The following PCDHGB5 variants were observed in gnomAD, a reference collection of about 807,000 sequenced individuals.
The protein encoded by PCDHGB5 is protocadherin gamma subfamily B, 5.
In PCDHGB5, 48 loss-of-function variants were observed where a neutral mutation model predicts 62.9. The observed-to-expected ratio is 0.76, with a 90% CI of 0.61 to 0.97. PCDHGB5 has a LOEUF of 0.97. Ranked by LOEUF, PCDHGB5 falls within the 50% of genes least tolerant of loss-of-function variation. PCDHGB5 has a pLI of 0.00. For missense variants in PCDHGB5, 1,118 were observed against 1,198.6 expected (o/e 0.93, Z 0.99); for synonymous variants, 474 against 511.2 (o/e 0.93, Z 0.98).
intron 1 of PCDHGB5, among the ~76,000 whole-genome samples, chr5:141,451,493 T>C (rs1554137340): frequency 2.0e-5 from 3 of 152,230 alleles, no homozygotes; most frequent in Admixed American, 2.0e-4. Context: ...TGGACCTCCA[T>C]AGGGCAACCA....
chr5:141,462,811 T>C (rs893444929), intron 1 of PCDHGB5, among the ~76,000 whole-genome samples: 1 of 152,206 alleles, frequency 6.6e-6, no homozygotes, highest in Non-Finnish European at 1.5e-5. Context: ...ATAATGTTTT[T>C]ATTGGACAGC....
At position 141,418,595 on chromosome 5, in the gene PCDHGB5, G is replaced by A. The variant is rs1331897624; in HGVS notation, c.2397+18071G>A. The A allele has an allele frequency of 2.5e-6, 4 of 1,613,928 alleles. No individual in the cohort carries two copies. Among genetic ancestry groups the A allele is most frequent in the Admixed American group, 3.3e-5 (2 of 60,006 alleles). On this transcript the variant is annotated intron_variant, in intron 1 of 3. Transcript: ENST00000617380. ...CAACCCCCCAGTGTTCAGCCAGGAC[G>A]TGTACAGGGTTAGCCTTCGGGAAGA...
At chr5:141,474,524 C>G (rs1260642402) in intron 1 of PCDHGB5, among the ~76,000 whole-genome samples, 1 of 152,170 alleles carries the variant, frequency 6.6e-6, no homozygotes, top group Non-Finnish European at 1.5e-5. Flanking sequence ...GCTGGTCTGG[C>G]TAATTATCAA....
chr5:141,422,883 C>A, intron 1 of PCDHGB5: 1 of 1,614,242 alleles, frequency 6.2e-7, no homozygotes, highest in Non-Finnish European at 8.5e-7. Flanking sequence ...TGAGCCTGTT[C>A]GTGCTGGACC....
intron 1 of PCDHGB5, among the ~76,000 whole-genome samples, chr5:141,445,415 C>A (rs1235584061): frequency 6.6e-6 from 1 of 152,140 alleles, no homozygotes; most frequent in Non-Finnish European, 1.5e-5. Context: ...TAACTGTCTG[C>A]TATATGCAAG....
chr5:141,493,346 C>T lies in PCDHGB5; in HGVS notation c.2398-1461C>T, dbSNP rs766845200. Among the ~76,000 whole-genome samples, 5 of 152,172 alleles carry T rather than the reference C, an allele frequency of 3.3e-5. No individual in the cohort carries two copies. Among genetic ancestry groups the T allele is most frequent in the Non-Finnish European group, 7.3e-5 (5 of 68,028 alleles). On this transcript the variant is annotated intron_variant, in intron 1 of 3. Coordinates refer to ENST00000617380, the MANE Select transcript of PCDHGB5 (RefSeq NM_018925.3). The surrounding 1 kb of genome is among the most constrained non-coding windows in gnomAD (Gnocchi z 4.3). Reference sequence around the variant, plus strand: ...CCCCTGTCTAACTCCAGAATGTGTGCTTTTAATTTCTTGGCACTTGGAACT... The same window carrying T: ...CCCCTGTCTAACTCCAGAATGTGTGTTTTTAATTTCTTGGCACTTGGAACT...
rs1395556571 is a variant in PCDHGB5 at position 141,432,581 on chromosome 5, C to CT, written c.2397+32058dup. ...CCAGAACGCCTGGCTGTCCTACCGT[C>CT]TGCTCAAGGCCAGCGAGCCGGGACT... On this transcript the variant is annotated intron_variant, in intron 1 of 3. Coordinates refer to ENST00000617380, the MANE Select transcript of PCDHGB5 (RefSeq NM_018925.3). This position sits in a 1 kb window ranked among gnomAD's most constrained non-coding sequence, Gnocchi z 6.0. 6.2e-7 allele frequency: 1 copy of CT among 1,613,930 alleles called. No homozygotes were observed.
At chr5:141,450,995 T>G (rs983544118) in intron 1 of PCDHGB5, among the ~76,000 whole-genome samples, 3 of 151,510 alleles carry the variant, frequency 2.0e-5, no homozygotes, top group Non-Finnish European at 4.4e-5. Context: ...CGGCTAATTT[T>G]TTTGTATTTT....
intron 1 of PCDHGB5, chr5:141,403,092 A>G (rs764199669): frequency 6.2e-7 from 1 of 1,614,086 alleles, no homozygotes; most frequent in East Asian, 2.2e-5. Flanking sequence ...ATTGTGGGCA[A>G]CATCTCCAAG....
In PCDHGB5 at chr5:141,400,326, T is replaced by A; in HGVS notation, c.2199T>A (p.Pro733=). The A allele has an allele frequency of 6.2e-7, 1 of 1,614,104 alleles. No individual in the cohort carries two copies. The highest frequency in any genetic ancestry group is 8.5e-7 in the Non-Finnish European group (1 of 1,179,916). Reference sequence around the variant, plus strand: ...CTGGTCTCTGTGTCAAGTCTGGACCTGTGGTTCCCCCCAACTACAGTCAGG... The same window carrying A: ...CTGGTCTCTGTGTCAAGTCTGGACCAGTGGTTCCCCCCAACTACAGTCAGG... ...FQPGLCVKSG[P]VVPPNYSQGT... The change falls in exon 1 of 4, where the codon CCT becomes CCA. Residue 733 remains proline, a synonymous_variant. Transcript: ENST00000617380.
chr5:141,495,069 T>G (rs1179878936), intron 2 of PCDHGB5, among the ~76,000 whole-genome samples: 1 of 152,142 alleles, frequency 6.6e-6, no homozygotes, highest in African/African-American at 2.4e-5. Flanking sequence ...GGAAGCTCAA[T>G]TCACATGCTT....
intron 1 of PCDHGB5, among the ~76,000 whole-genome samples, chr5:141,482,988 G>A (rs982148755): frequency 2.6e-5 from 4 of 152,112 alleles, no homozygotes; most frequent in South Asian, 2.1e-4. Context: ...GAGAGGTCGA[G>A]GCAGGAGAAT....
intron 1 of PCDHGB5, among the ~76,000 whole-genome samples, chr5:141,464,265 AAAAAAAAAAAAAGC>A (rs1446781862): frequency 7.4e-6 from 1 of 135,276 alleles, no homozygotes; most frequent in Non-Finnish European, 1.6e-5. Flanking sequence ...ACTCCGTCTA[AAAAAAAAAAAAAGC>A]AAAAAAAAAA....
chr5:141,491,434 A>T lies in PCDHGB5; in HGVS notation c.2398-3373A>T. 6.2e-7 allele frequency: 1 copy of T among 1,614,032 alleles called. No homozygotes were observed. Among genetic ancestry groups the T allele is most frequent in the Non-Finnish European group, 8.5e-7 (1 of 1,179,988 alleles). On this transcript the variant is annotated intron_variant, in intron 1 of 3. Transcript: ENST00000617380. The surrounding 1 kb of genome is among the most constrained non-coding windows in gnomAD (Gnocchi z 6.9). ...GGACGGGGGTGGAGGGCAGTGCTGC[A>T]GGCGCCAGGACTCACCCTCCCCGGA...
intron 1 of PCDHGB5, among the ~76,000 whole-genome samples, chr5:141,483,945 ATTGTG>A (rs2099589210): frequency 8.3e-6 from 1 of 120,394 alleles, no homozygotes; most frequent in Non-Finnish European, 1.6e-5. Context: ...TACGGTGTGA[ATTGTG>A]TTGTGTTTCT....
At chr5:141,445,612 CT>C (rs996122021) in intron 1 of PCDHGB5, among the ~76,000 whole-genome samples, 1 of 151,994 alleles carries the variant, frequency 6.6e-6, no homozygotes, top group Non-Finnish European at 1.5e-5. Flanking sequence ...GGAAGGCTTT[CT>C]TTTTTTCGGA....
intron 1 of PCDHGB5, chr5:141,442,360 G>A (rs890049391): frequency 6.6e-6 from 1 of 152,272 alleles, no homozygotes; most frequent in African/African-American, 2.4e-5. Flanking sequence ...GTAGCTCTAT[G>A]ATGCCATATT....
intron 1 of PCDHGB5, among the ~76,000 whole-genome samples, chr5:141,402,192 CTT>C (rs1205831935): frequency 6.6e-6 from 1 of 152,006 alleles, no homozygotes; most frequent in Non-Finnish European, 1.5e-5. Flanking sequence ...ATTAATATTA[CTT>C]TTATAATACA....
At position 141,412,987 on chromosome 5, in the gene PCDHGB5, A is replaced by G. The variant is rs192699644; in HGVS notation, c.2397+12463A>G. The G allele has an allele frequency of 3.7e-3, 2,104 of 564,638 alleles. 8 individuals carry two copies. Among genetic ancestry groups the G allele is most frequent in the Admixed American group, 0.011 (308 of 27,526 alleles). 35.0% of individuals were successfully genotyped at this position (564,638 alleles called of 1,614,324 possible). ...AGGAGAGAAAACGCAGCCAGAGCTCAATCCGGATTCTCAGGGCTTCAACTA... is the reference window on the plus strand; with the variant it reads ...AGGAGAGAAAACGCAGCCAGAGCTCGATCCGGATTCTCAGGGCTTCAACTA... On this transcript the variant is annotated intron_variant, in intron 1 of 3. Transcript: ENST00000617380.
Sources: allele counts gnomAD v4.1 joint callset (sites outside exome capture counted in the v4.1 genomes callset), GRCh38; gene constraint gnomAD v4.1.1; non-coding constraint Gnocchi (gnomAD v3.1); transcripts MANE v1.5; gene names NCBI Gene and HGNC (gene_info 2026-07-23, HGNC 2026-07-21).